Variants in NOL9 observed in about 807,000 individuals in gnomAD.
NOL9 encodes polynucleotide 5'-hydroxyl-kinase NOL9.
NOL9 carries 28 observed loss-of-function variants against 67.9 expected under a neutral mutation model. The observed-to-expected ratio is 0.41, with a 90% CI of 0.31 to 0.57. NOL9 has a LOEUF of 0.57. Among genes scored for constraint, NOL9 ranks in the 20% least tolerant of loss-of-function variants. The probability of loss-of-function intolerance (pLI) is 0.25; values close to 1 mark genes in which losing one functional copy is unlikely to be tolerated. For synonymous variants in NOL9, 356 were observed against 352.2 expected (o/e 1.01, Z -0.12); for missense variants, 777 against 897.0 (o/e 0.87, Z 1.71).
chr1:6,545,015 C>T, intron 4 of NOL9, 30 bp downstream of exon 4: 2 of 1,614,100 alleles, frequency 1.2e-6, no homozygotes, highest in Middle Eastern at 1.6e-4. Flanking sequence ...GGTGGACAGA[C>T]ATTCAGGGTG....
intron 6 of NOL9, among the ~76,000 whole-genome samples, chr1:6,534,466 C>T (rs940218302): frequency 6.6e-6 from 1 of 152,092 alleles, no homozygotes; most frequent in African/African-American, 2.4e-5. Context: ...GGGAGATGGC[C>T]TGGGTCAGTG....
At position 6,533,287 on chromosome 1, in the gene NOL9, C is replaced by T. The variant is rs1393814379; in HGVS notation, c.1230G>A (p.Trp410Ter). ...ESPLIVNTMG[W>*]VSDQGLLLLI... Reference sequence around the variant, plus strand: ...GTGCACATGCAGGCTTACCTGAAACCCATCCCATAGTGTTGACGATGAGAG... The same window carrying T: ...GTGCACATGCAGGCTTACCTGAAACTCATCCCATAGTGTTGACGATGAGAG... Residue 410 changes from tryptophan (W) to a stop codon, truncating the protein, a stop_gained, in exon 7 of 12, where the codon TGG becomes TGA. Transcript: ENST00000377705. LOFTEE classifies it high-confidence loss of function. 1 of 1,595,366 alleles carries T rather than the reference C, an allele frequency of 6.3e-7. No homozygotes were observed. The highest frequency in any genetic ancestry group is 8.6e-7 in the Non-Finnish European group (1 of 1,168,360).
rs753535856 is a variant in NOL9 at position 6,526,018 on chromosome 1, C to A, written c.1960-15G>T. 5.6e-6 allele frequency: 9 copies of A among 1,612,092 alleles called. No homozygotes were observed. The highest frequency in any genetic ancestry group is 7.6e-6 in the Non-Finnish European group (9 of 1,178,218). On this transcript the variant is annotated splice_polypyrimidine_tract_variant and intron_variant, in intron 11 of 11. Transcript: ENST00000377705. ...TCGATCCCACGCTGAAACGGAAACA[C>A]AGAGAATGCATGGAAACACTCCAGG... is the stretch of plus-strand genomic sequence containing the variant.
chr1:6,532,029 C>T lies in NOL9; in HGVS notation c.1586G>A (p.Ser529Asn). Residue 529 changes from serine to asparagine, a missense_variant, in exon 9 of 12, where the codon AGC becomes AAC. Coordinates refer to ENST00000377705, the MANE Select transcript of NOL9 (RefSeq NM_024654.5). ...LRDLSILSYL[S>N]QLQPPMPKPL... ...TTTGGGCATCGGGGGCTGCAGCTGG[C>T]TAAGGTAACTCAAGATGGACAGATC... 1 of 1,614,146 alleles carries T rather than the reference C, an allele frequency of 6.2e-7. No homozygotes were observed. The highest frequency in any genetic ancestry group is 8.5e-7 in the Non-Finnish European group (1 of 1,180,026).
intron 2 of NOL9, 54 bp downstream of exon 2, chr1:6,550,342 G>C (rs905904094): frequency 4.0e-5 from 60 of 1,513,842 alleles, no homozygotes; most frequent in Non-Finnish European, 5.2e-5. Flanking sequence ...TAAAAATTAT[G>C]AATTAGCCTT....
At chr1:6,544,759 A>C in intron 5 of NOL9, 67 bp downstream of exon 5, 1 of 1,535,808 alleles carries the variant, frequency 6.5e-7, no homozygotes, top group South Asian at 1.1e-5. Flanking sequence ...ATTCCCTCCA[A>C]ATCAAAAATC....
intron 7 of NOL9, 70 bp from the exon 8 acceptor site, chr1:6,532,830 C>T: frequency 7.3e-7 from 1 of 1,365,902 alleles, no homozygotes; most frequent in Middle Eastern, 1.9e-4. Context: ...CAGTGACATG[C>T]TCCTACGACA....
chr1:6,546,542 G>A (rs949534980), intron 3 of NOL9, among the ~76,000 whole-genome samples: 1 of 152,132 alleles, frequency 6.6e-6, no homozygotes, highest in African/African-American at 2.4e-5. Context: ...AATAATCAGA[G>A]GACAACTTCT....
At chr1:6,551,907 C>G (rs1055664730) in intron 1 of NOL9, among the ~76,000 whole-genome samples, 1 of 152,010 alleles carries the variant, frequency 6.6e-6, no homozygotes, top group South Asian at 2.1e-4. Flanking sequence ...TGGTGGCGGG[C>G]ACCTGTAGTC....
intron 5 of NOL9, among the ~76,000 whole-genome samples, chr1:6,542,584 A>G (rs1639321315): frequency 6.6e-6 from 1 of 151,544 alleles, no homozygotes; most frequent in Non-Finnish European, 1.5e-5. Flanking sequence ...CAGCCTCCCA[A>G]GTAGCTGGGA....
At chr1:6,531,661 G>A (rs549147513) in intron 9 of NOL9, among the ~76,000 whole-genome samples, 26 of 152,212 alleles carry the variant, frequency 1.7e-4, no homozygotes, top group African/African-American at 5.8e-4. Context: ...CGACCAGATG[G>A]GACATTCAAA....
At chr1:6,548,177 ACT>A (rs1639462321) in intron 3 of NOL9, 1 of 125,008 alleles carries the variant, frequency 8.0e-6, no homozygotes, top group African/African-American at 3.2e-5. Context: ...ACGGATTCTC[ACT>A]CTGTCTCCCA....
chr1:6,531,251 T>C (rs1639021670), intron 9 of NOL9, among the ~76,000 whole-genome samples: 1 of 152,120 alleles, frequency 6.6e-6, no homozygotes, highest in Non-Finnish European at 1.5e-5. Flanking sequence ...TCTCGCTCTG[T>C]CACCCAGGCT....
intron 6 of NOL9, among the ~76,000 whole-genome samples, chr1:6,533,698 A>C (rs1190503525): frequency 6.6e-6 from 1 of 152,342 alleles, no homozygotes; most frequent in East Asian, 1.9e-4. Flanking sequence ...TTCAGCGAAC[A>C]CACAAATCTG....
intron 5 of NOL9, among the ~76,000 whole-genome samples, chr1:6,543,411 GGTCTC>G (rs1639344789): frequency 6.6e-6 from 1 of 151,978 alleles, no homozygotes; most frequent in South Asian, 2.1e-4. Flanking sequence ...TAGCCAGGAT[GGTCTC>G]GATCTCCTGA....
Position 6,532,574 on chromosome 1 carries a change from G to T in NOL9, c.1424C>A (p.Ala475Glu), listed in dbSNP as rs202012274. Residue 475 changes from alanine to glutamate, a missense_variant, in exon 8 of 12, where the codon GCA becomes GAA. Ala to Glu is a moderately radical substitution (Grantham distance 107). Around this residue, in one of 2 missense-constraint regions of NOL9, gnomAD observed 413 missense variants for 552.6 expected, o/e 0.75. Transcript: ENST00000377705. ...TTCATCAGCAAATTCCAAAGCATCTGCAAATGCTGCGAGTCTGAAACGTCG... is the reference window on the plus strand; with the variant it reads ...TTCATCAGCAAATTCCAAAGCATCTTCAAATGCTGCGAGTCTGAAACGTCG... ...RNRRFRLAAFADALEFADEEK... is the reference protein window; with the variant it reads ...RNRRFRLAAFEDALEFADEEK... The T allele has an allele frequency of 1.2e-6, 2 of 1,614,084 alleles. No homozygotes were observed. Among genetic ancestry groups the T allele is most frequent in the South Asian group, 2.2e-5 (2 of 91,082 alleles).
chr1:6,543,584 C>T lies in NOL9; in HGVS notation c.977+1242G>A, dbSNP rs186968976. On this transcript the variant is annotated intron_variant, in intron 5 of 11. Coordinates refer to ENST00000377705, the MANE Select transcript of NOL9 (RefSeq NM_024654.5). ...GGTGTGACATAGCTCACTGTAGACT[C>T]GAACTCCTTGGCTCAAGCCAGCCTC... Among the ~76,000 whole-genome samples the T allele has an allele frequency of 1.4e-4, 21 of 152,250 alleles. No homozygotes were observed. In the East Asian group the frequency reaches 1.7e-3, roughly 13 times the overall value.
At chr1:6,543,242 C>G (rs1476812434) in intron 5 of NOL9, among the ~76,000 whole-genome samples, 2 of 147,874 alleles carry the variant, frequency 1.4e-5, no homozygotes, top group Non-Finnish European at 3.0e-5. Context: ...GTCGCCCACG[C>G]TGGAGTGCAG....
chr1:6,525,751 G>C lies in NOL9; in HGVS notation c.*103C>G. Reference sequence around the variant, plus strand: ...ACACAAAAAACACTGTTGCTAATAAGGGCACCATTCATGGCCATGAAACTC... The same window carrying C: ...ACACAAAAAACACTGTTGCTAATAACGGCACCATTCATGGCCATGAAACTC... On this transcript the variant is annotated 3_prime_UTR_variant, in exon 12 of 12. Transcript: ENST00000377705. 1 of 1,178,936 alleles carries C rather than the reference G, an allele frequency of 8.5e-7. No homozygotes were observed. 73.0% of individuals were successfully genotyped at this position (1,178,936 alleles called of 1,614,324 possible). A position where few individuals can be genotyped will look rare whatever the true frequency, so the allele number is the denominator to read the frequency against.
Sources: gnomAD v4.1 joint callset for allele counts (sites outside exome capture counted in the v4.1 genomes callset) on GRCh38, gnomAD v4.1.1 for gene constraint, gnomAD v4.1.1 regional missense constraint, MANE v1.5 for transcripts, NCBI Gene and HGNC (gene_info 2026-07-23, HGNC 2026-07-21) for gene names.